Variants in TBC1D5 observed in about 807,000 individuals in gnomAD.
The protein encoded by TBC1D5 is TBC1 domain family, member 5.
In TBC1D5, 75 loss-of-function variants were observed where a neutral mutation model predicts 100.3. That is an observed-to-expected ratio of 0.75 (90% confidence interval 0.62 to 0.91). The LOEUF is 0.91. Among genes scored for constraint, TBC1D5 ranks in the 40% least tolerant of loss-of-function variants. The pLI is 0.00. For synonymous variants in TBC1D5, 323 were observed against 325.6 expected (o/e 0.99, Z 0.09); for missense variants, 910 against 942.4 (o/e 0.97, Z 0.45).
intron 18 of TBC1D5, among the ~76,000 whole-genome samples, chr3:17,185,964 T>TC (rs1430884673): frequency 6.8e-6 from 1 of 147,846 alleles, no homozygotes; most frequent in Non-Finnish European, 1.5e-5. Context: ...TTTTTTCTTT[T>TC]CTTTTTTTTT....
chr3:17,557,909 G>A (rs2153464737), intron 2 of TBC1D5, among the ~76,000 whole-genome samples: 1 of 152,230 alleles, frequency 6.6e-6, no homozygotes, highest in African/African-American at 2.4e-5. Context: ...CTGGGAATGA[G>A]TCAATCCTGG....
intron 1 of TBC1D5, among the ~76,000 whole-genome samples, chr3:17,720,813 T>G (rs1211085413): frequency 6.6e-6 from 1 of 151,984 alleles, no homozygotes; most frequent in Non-Finnish European, 1.5e-5. Context: ...AGACTTTCTT[T>G]TTTTTTTTGA....
intron 17 of TBC1D5, 94 bp from the exon 19 acceptor site, chr3:17,214,464 T>C (rs1419697931): frequency 4.7e-6 from 6 of 1,285,848 alleles, no homozygotes; most frequent in Middle Eastern, 2.2e-4. Flanking sequence ...TCAATTATGA[T>C]GCCACTAGGT....
At chr3:17,572,731 C>T (rs1331806250) in intron 2 of TBC1D5, among the ~76,000 whole-genome samples, 3 of 151,996 alleles carry the variant, frequency 2.0e-5, no homozygotes, top group Non-Finnish European at 2.9e-5. Flanking sequence ...CACTTCTGAC[C>T]CCTCTATTTA....
chr3:17,171,876 C>T lies in TBC1D5; in HGVS notation c.1853-4048G>A, dbSNP rs148142432. Among the ~76,000 whole-genome samples, 366 of 152,324 alleles carry T rather than the reference C, an allele frequency of 2.4e-3. 2 individuals are homozygous for T. Among genetic ancestry groups the T allele is most frequent in the African/African-American group, 8.2e-3 (341 of 41,566 alleles). On this transcript the variant is annotated intron_variant, in intron 19 of 21. Coordinates refer to ENST00000253692, the Ensembl canonical transcript of TBC1D5. ...ATAAAAGACAATGCAACCTACTAAT[C>T]TTGTCCTGCATGCAGAATACAATGC...
intron 16 of TBC1D5, among the ~76,000 whole-genome samples, chr3:17,243,665 T>C (rs1038806627): frequency 6.6e-6 from 1 of 152,096 alleles, no homozygotes; most frequent in Non-Finnish European, 1.5e-5. Context: ...AATTGCACAT[T>C]ACATACAGAA....
intron 3 of TBC1D5, among the ~76,000 whole-genome samples, chr3:17,474,245 T>C (rs2095412760): frequency 1.3e-5 from 2 of 152,160 alleles, no homozygotes; most frequent in African/African-American, 4.8e-5. Flanking sequence ...TGGCAAATAT[T>C]TTTCTAGAAT....
At chr3:17,397,818 T>C (rs551656770) in intron 8 of TBC1D5, among the ~76,000 whole-genome samples, 3 of 152,284 alleles carry the variant, frequency 2.0e-5, no homozygotes, top group East Asian at 1.9e-4. Flanking sequence ...TAACAGCATA[T>C]CAATAGGCAA....
intron 1 of TBC1D5, among the ~76,000 whole-genome samples, chr3:17,632,507 G>A (rs962833635): frequency 1.3e-5 from 2 of 152,140 alleles, no homozygotes; most frequent in African/African-American, 4.8e-5. Context: ...TTCTATTGTG[G>A]GTAAAATGCT....
intron 2 of TBC1D5, among the ~76,000 whole-genome samples, chr3:17,563,834 G>C (rs867164990): frequency 2.6e-5 from 4 of 152,182 alleles, no homozygotes; most frequent in Non-Finnish European, 4.4e-5. Context: ...CCAGGCTGGA[G>C]TGCAGTGGCT....
intron 2 of TBC1D5, among the ~76,000 whole-genome samples, chr3:17,600,778 C>A (rs2060880731): frequency 1.3e-5 from 2 of 151,994 alleles, no homozygotes; most frequent in South Asian, 2.1e-4. Context: ...TCTCCAAGAG[C>A]AGAAGCCAAA....
chr3:17,185,006 T>C, intron 19 of TBC1D5, 103 bp downstream of exon 20: 1 of 892,070 alleles, frequency 1.1e-6, no homozygotes. Flanking sequence ...TTAAATAAGG[T>C]AATTCATGTA....
chr3:17,461,487 A>T (rs750667781), intron 3 of TBC1D5, among the ~76,000 whole-genome samples: 1 of 152,186 alleles, frequency 6.6e-6, no homozygotes, highest in Non-Finnish European at 1.5e-5. Flanking sequence ...CACTCCATTC[A>T]CTGGCTTCAT....
At chr3:17,624,161 T>C (rs1577079007) in intron 1 of TBC1D5, among the ~76,000 whole-genome samples, 1 of 152,268 alleles carries the variant, frequency 6.6e-6, no homozygotes, top group East Asian at 1.9e-4. Flanking sequence ...TAGCAAAGTA[T>C]TACAAAATTA....
chr3:17,720,443 T>C (rs763976427), intron 1 of TBC1D5, among the ~76,000 whole-genome samples: 9 of 152,304 alleles, frequency 5.9e-5, no homozygotes, highest in Admixed American at 2.0e-4. Flanking sequence ...GAGAAAATAA[T>C]GGCTAAATGT....
Position 17,352,683 on chromosome 3 carries a change from CA to C in TBC1D5, c.995+19391del, listed in dbSNP as rs1363926293. On this transcript the variant is annotated intron_variant, in intron 13 of 21. Transcript: ENST00000253692. ...TCTAACTACAATACAAAGCAAAAGGCAAAAAAAAAAAAAAAACAAAAAAACC... is the reference window on the plus strand; with the variant it reads ...TCTAACTACAATACAAAGCAAAAGGCAAAAAAAAAAAAAAACAAAAAAACC... Among the ~76,000 whole-genome samples the C allele has an allele frequency of 6.8e-3, 641 of 94,910 alleles. 4 individuals carry two copies. Among genetic ancestry groups the C allele is most frequent in the African/African-American group, 0.019 (471 of 25,048 alleles). The allele number at this position is 94,910 out of a possible 152,430, so 62.3% of individuals were successfully genotyped here. A position where few individuals can be genotyped will look rare whatever the true frequency, so the allele number is the denominator to read the frequency against.
chr3:17,661,130 T>C (rs1440560294), intron 1 of TBC1D5, among the ~76,000 whole-genome samples: 1 of 152,302 alleles, frequency 6.6e-6, no homozygotes, highest in Non-Finnish European at 1.5e-5. Context: ...GGTTAATTTG[T>C]ACAAATTTTG....
intron 1 of TBC1D5, among the ~76,000 whole-genome samples, chr3:17,695,676 T>A (rs528655156): frequency 1.8e-4 from 28 of 152,226 alleles, no homozygotes; most frequent in Admixed American, 1.8e-3. Context: ...ACTGTCAATA[T>A]TAGACAGATC....
chr3:17,276,667 C>T (rs936767054), intron 15 of TBC1D5, among the ~76,000 whole-genome samples: 1 of 152,160 alleles, frequency 6.6e-6, no homozygotes, highest in South Asian at 2.1e-4. Context: ...TCTCAATGAG[C>T]CCAGGAGGTA....
Sources: allele counts gnomAD v4.1 joint callset (sites outside exome capture counted in the v4.1 genomes callset), GRCh38; gene constraint gnomAD v4.1.1; transcripts MANE v1.5; gene names NCBI Gene and HGNC (gene_info 2026-07-23, HGNC 2026-07-21).